PLEKHD1: variants seen among roughly 807,000 people sequenced by gnomAD.
The protein encoded by PLEKHD1 is pleckstrin homology domain-containing family D member 1.
In PLEKHD1, 51 loss-of-function variants were observed where a neutral mutation model predicts 69.2. The ratio of observed to expected loss-of-function variants is 0.74; its 90% CI spans 0.59 to 0.93. The LOEUF (loss-of-function observed/expected upper bound fraction) is 0.93. Ranked by LOEUF, PLEKHD1 falls within the 40% of genes least tolerant of loss-of-function variation. The pLI is 0.00. For synonymous variants in PLEKHD1, 236 were observed against 244.7 expected (o/e 0.96, Z 0.33); for missense variants, 584 against 641.0 (o/e 0.91, Z 0.96).
intron 1 of PLEKHD1, among the ~76,000 whole-genome samples, chr14:69,496,133 G>C (rs1449362251): frequency 2.6e-5 from 4 of 152,176 alleles, no homozygotes; most frequent in African/African-American, 9.7e-5. Context: ...GTAAGGCTGG[G>C]AGTTTGCCTG....
At chr14:69,508,228 GA>G (rs1244895256) in intron 6 of PLEKHD1, among the ~76,000 whole-genome samples, 1 of 152,118 alleles carries the variant, frequency 6.6e-6, no homozygotes, top group South Asian at 2.1e-4. Flanking sequence ...CCAACATGGT[GA>G]AATGCTGTCT....
chr14:69,479,435 G>A, the PLEKHD1 span, among the ~76,000 whole-genome samples: 1 of 152,250 alleles, frequency 6.6e-6, no homozygotes, highest in East Asian at 1.9e-4. Flanking sequence ...GCATGATGGT[G>A]GGGAGCTGGA....
chr14:69,493,042 C>A (rs1010021222), intron 1 of PLEKHD1, among the ~76,000 whole-genome samples: 4 of 152,236 alleles, frequency 2.6e-5, no homozygotes, highest in Non-Finnish European at 5.9e-5. Flanking sequence ...ACTGGGATTA[C>A]AGGCGTGAGC....
intron 6 of PLEKHD1, among the ~76,000 whole-genome samples, chr14:69,509,553 A>AT (rs1201121710): frequency 6.6e-6 from 1 of 150,728 alleles, no homozygotes; most frequent in Non-Finnish European, 1.5e-5. Context: ...ATTGTGATTT[A>AT]TTTTTTGTGA....
chr14:69,468,831 A>G, the PLEKHD1 span, among the ~76,000 whole-genome samples: 5 of 152,102 alleles, frequency 3.3e-5, no homozygotes, highest in Admixed American at 1.3e-4. Context: ...TCCTCCTGCC[A>G]TGGCTTCCCA....
chr14:69,522,156 G>A (rs772246797), intron 6 of PLEKHD1, 127 bp from the exon 7 acceptor site: 15 of 815,994 alleles, frequency 1.8e-5, no homozygotes, highest in Admixed American at 8.4e-5. Flanking sequence ...CTTAATTCCC[G>A]GTCTGGTGCA....
In PLEKHD1 at chr14:69,528,540, C is replaced by A; in HGVS notation, c.*121C>A. 1 of 1,314,484 alleles carries A rather than the reference C, an allele frequency of 7.6e-7. No homozygotes were observed. 81.4% of individuals were successfully genotyped at this position (1,314,484 alleles called of 1,614,324 possible). On this transcript the variant is annotated 3_prime_UTR_variant, in exon 13 of 13. Coordinates refer to ENST00000322564, the MANE Select transcript of PLEKHD1 (RefSeq NM_001161498.2). ...CTCTGGTCTGGAGCCTATGTCTCCT[C>A]TGGGCCGGAGCTCCACTTGGGGGCC...
At chr14:69,515,196 T>C (rs1883357290) in intron 6 of PLEKHD1, among the ~76,000 whole-genome samples, 1 of 152,158 alleles carries the variant, frequency 6.6e-6, no homozygotes, top group African/African-American at 2.4e-5. Flanking sequence ...AGACTCTGTC[T>C]CAACAAACCA....
At position 69,515,077 on chromosome 14, in the gene PLEKHD1, A is replaced by G. The variant is rs568387102; in HGVS notation, c.556-7206A>G. Reference sequence around the variant, plus strand: ...GCTTGGTGTGGTGGTGCATGCCTGTAGTCCCAGCTACATGGAAGGCTGAGG... The same window carrying G: ...GCTTGGTGTGGTGGTGCATGCCTGTGGTCCCAGCTACATGGAAGGCTGAGG... On this transcript the variant is annotated intron_variant, in intron 6 of 12. Transcript: ENST00000322564. Among the ~76,000 whole-genome samples, 6 of 152,292 alleles carry G rather than the reference A, an allele frequency of 3.9e-5. 1 individual carries two copies. The highest frequency in any genetic ancestry group is 1.4e-4 in the African/African-American group (6 of 41,562).
chr14:69,501,681 A>T (rs1204441505), intron 4 of PLEKHD1, 53 bp from the exon 5 acceptor site: 14 of 1,375,310 alleles, frequency 1.0e-5, no homozygotes, highest in Middle Eastern at 1.8e-4. Context: ...TGTTTTAATG[A>T]TTTTCTGTTT....
chr14:69,488,202 G>A (rs888059380), intron 1 of PLEKHD1, among the ~76,000 whole-genome samples: 14 of 152,154 alleles, frequency 9.2e-5, no homozygotes, highest in Non-Finnish European at 1.9e-4. Flanking sequence ...CTAAATCTCA[G>A]GCCACAACCT....
intron 1 of PLEKHD1, among the ~76,000 whole-genome samples, chr14:69,490,766 C>T (rs1252182090): frequency 6.6e-6 from 1 of 152,170 alleles, no homozygotes; most frequent in African/African-American, 2.4e-5. Flanking sequence ...GGGACACACA[C>T]TGGGGCTGTG....
chr14:69,502,968 C>T, intron 6 of PLEKHD1, 89 bp downstream of exon 6: 2 of 1,474,308 alleles, frequency 1.4e-6, no homozygotes, highest in Non-Finnish European at 1.9e-6. Context: ...GCTGGGTGCA[C>T]AGAGGACTTG....
the PLEKHD1 span, among the ~76,000 whole-genome samples, chr14:69,475,168 C>T: frequency 1.3e-5 from 2 of 152,248 alleles, no homozygotes; most frequent in Non-Finnish European, 2.9e-5. Flanking sequence ...GAGGGGCCAG[C>T]ATCTTGGCTT....
intron 1 of PLEKHD1, among the ~76,000 whole-genome samples, chr14:69,498,037 AT>A (rs1238416813): frequency 7.1e-6 from 1 of 139,934 alleles, no homozygotes; most frequent in African/African-American, 2.7e-5. Context: ...ATTTTGTTTT[AT>A]TTTATTTTAT....
intron 5 of PLEKHD1, chr14:69,502,218 G>A (rs531419073): frequency 2.9e-4 from 53 of 184,030 alleles, no homozygotes; most frequent in African/African-American, 1.1e-3. Context: ...CAGACATGCA[G>A]TAAGGGCTCC....
intron 1 of PLEKHD1, among the ~76,000 whole-genome samples, chr14:69,498,068 T>A (rs1882929580): frequency 7.6e-6 from 1 of 132,174 alleles, no homozygotes; most frequent in African/African-American, 3.4e-5. Context: ...TTTATTTTAT[T>A]TTATTTTATT....
At chr14:69,472,064 C>A in the PLEKHD1 span, among the ~76,000 whole-genome samples, 1 of 152,114 alleles carries the variant, frequency 6.6e-6, no homozygotes. Flanking sequence ...ACACACTCAA[C>A]GACCCGTGCT....
At chr14:69,498,298 C>G (rs1283651385) in intron 1 of PLEKHD1, among the ~76,000 whole-genome samples, 1 of 152,002 alleles carries the variant, frequency 6.6e-6, no homozygotes, top group Non-Finnish European at 1.5e-5. Flanking sequence ...AGGCTTGTCT[C>G]AAACTCCTGA....
Sources: allele counts gnomAD v4.1 joint callset (sites outside exome capture counted in the v4.1 genomes callset), GRCh38; gene constraint gnomAD v4.1.1; transcripts MANE v1.5; gene names NCBI Gene and HGNC (gene_info 2026-07-23, HGNC 2026-07-21).